The following STK3 variants were observed in gnomAD, a reference collection of about 807,000 sequenced individuals.
STK3 encodes serine/threonine-protein kinase 3.
In STK3, 41 loss-of-function variants were observed where a neutral mutation model predicts 58.0. The ratio of observed to expected loss-of-function variants is 0.71; its 90% confidence interval spans 0.55 to 0.92. STK3 has a LOEUF of 0.92. Among genes scored for constraint, STK3 ranks in the 40% least tolerant of loss-of-function variants. The pLI is 0.00. For missense variants in STK3, 479 were observed against 602.7 expected (o/e 0.79, Z 2.15); for synonymous variants, 170 against 191.0 (o/e 0.89, Z 0.91).
At chr8:98,608,324 C>T (rs978716205) in intron 6 of STK3, among the ~76,000 whole-genome samples, 1 of 151,898 alleles carries the variant, frequency 6.6e-6, no homozygotes, top group Non-Finnish European at 1.5e-5. Flanking sequence ...TAAACAAAAG[C>T]TCTTGGGTCC....
chr8:98,840,628 T>TACATAC lies in STK3; in HGVS notation c.110+43018_110+43019insGTATGT, dbSNP rs1835945406. Among the ~76,000 whole-genome samples the TACATAC allele has an allele frequency of 1.4e-4, 16 of 114,468 alleles. No homozygotes were observed. The South Asian group carries it at 1.4e-3, about 10-fold the overall frequency. 75.1% of individuals were successfully genotyped at this position (114,468 alleles called of 152,430 possible). The stretch of plus-strand genomic sequence containing the variant: ...ATATATATATATATATATATATATA[T>TACATAC]ACACACACATACGTTTTATATATAT... On this transcript the variant is annotated intron_variant, in intron 3 of 12. Transcript: ENST00000523601.
intron 2 of STK3, among the ~76,000 whole-genome samples, chr8:98,769,117 A>G (rs1831130148): frequency 6.6e-6 from 1 of 152,228 alleles, no homozygotes; most frequent in Non-Finnish European, 1.5e-5. Context: ...TCATATCTAT[A>G]GAGTACATAC....
intron 3 of STK3, among the ~76,000 whole-genome samples, chr8:98,838,686 A>G (rs1835842988): frequency 6.6e-6 from 1 of 152,164 alleles, no homozygotes; most frequent in Non-Finnish European, 1.5e-5. Flanking sequence ...AATCTCACAG[A>G]AGTGCCGAGG....
intron 3 of STK3, among the ~76,000 whole-genome samples, chr8:98,855,001 G>A (rs1836616474): frequency 6.6e-6 from 1 of 152,190 alleles, no homozygotes; most frequent in African/African-American, 2.4e-5. Flanking sequence ...AGATTGCAGT[G>A]AGCTGAGATT....
the STK3 span, among the ~76,000 whole-genome samples, chr8:98,358,203 C>G: frequency 6.6e-6 from 1 of 152,148 alleles, no homozygotes; most frequent in African/African-American, 2.4e-5. Context: ...GTGCAAATCC[C>G]CAGGAACACA....
chr8:98,392,023 G>A (rs1305662313), upstream of STK3, among the ~76,000 whole-genome samples: 1 of 152,120 alleles, frequency 6.6e-6, no homozygotes, highest in Non-Finnish European at 1.5e-5. Context: ...GAAGTGCTTA[G>A]TAAACATTAG....
upstream of STK3, among the ~76,000 whole-genome samples, chr8:98,827,527 T>G (rs1835358678): frequency 6.6e-6 from 1 of 152,242 alleles, no homozygotes; most frequent in Non-Finnish European, 1.5e-5. Flanking sequence ...GTCCTCTTTT[T>G]GCATTATTTT....
intron 1 of STK3, among the ~76,000 whole-genome samples, chr8:98,448,506 C>CTT (rs1819053770): frequency 1.3e-5 from 2 of 152,118 alleles, no homozygotes; most frequent in Non-Finnish European, 2.9e-5. Flanking sequence ...GAAAAATGCG[C>CTT]AGGTGCAGGA....
intron 3 of STK3, among the ~76,000 whole-genome samples, chr8:98,403,451 A>C (rs1278844969): frequency 6.6e-6 from 1 of 152,216 alleles, no homozygotes; most frequent in East Asian, 1.9e-4. Context: ...AGCCAATGAA[A>C]GATCATTGTC....
At chr8:98,458,826 A>T (rs1819708865) in intron 10 of STK3, among the ~76,000 whole-genome samples, 1 of 152,146 alleles carries the variant, frequency 6.6e-6, no homozygotes, top group South Asian at 2.1e-4. Flanking sequence ...TTCCACCATG[A>T]TTGTAAATTT....
At chr8:98,807,381 C>T (rs1458486693) in intron 1 of STK3, among the ~76,000 whole-genome samples, 6 of 151,876 alleles carry the variant, frequency 4.0e-5, no homozygotes, top group Admixed American at 1.3e-4. Context: ...CCCAGCCTCC[C>T]GAGGAGCTGG....
intron 3 of STK3, among the ~76,000 whole-genome samples, chr8:98,756,967 T>C (rs936925850): frequency 2.6e-5 from 4 of 152,114 alleles, no homozygotes; most frequent in Non-Finnish European, 5.9e-5. Flanking sequence ...GTTTACCCTA[T>C]CTCACCTGTC....
Position 98,655,177 on chromosome 8 carries a change from G to A in STK3, c.684+51290C>T, listed in dbSNP as rs1294139636. On this transcript the variant is annotated intron_variant, in intron 6 of 10. Coordinates refer to ENST00000419617, the MANE Select transcript of STK3 (RefSeq NM_006281.4). ...ACAGAACAGAGCCCTCAGAAATAAC[G>A]CCGCATACCTACAACTATCTGATCT... 3.9e-5 allele frequency among the ~76,000 whole-genome samples: 6 copies of A among 151,988 alleles called. 1 individual carries two copies. Among genetic ancestry groups the A allele is most frequent in the South Asian group, 2.1e-4 (1 of 4,800 alleles).
At chr8:98,574,475 C>T (rs973918593) in intron 8 of STK3, among the ~76,000 whole-genome samples, 2 of 152,136 alleles carry the variant, frequency 1.3e-5, no homozygotes, top group Non-Finnish European at 2.9e-5. Context: ...CATGCAGTTC[C>T]TCAACAGGGC....
At chr8:98,578,005 G>C (rs945178182) in intron 8 of STK3, among the ~76,000 whole-genome samples, 2 of 151,964 alleles carry the variant, frequency 1.3e-5, no homozygotes, top group African/African-American at 4.8e-5. Flanking sequence ...GCGAAGGAAA[G>C]AAAAATAGTG....
At chr8:98,904,705 TG>T in intron 1 of STK3, 1 of 803,954 alleles carries the variant, frequency 1.2e-6, no homozygotes, top group Non-Finnish European at 2.1e-6. Context: ...ACTCACTCTC[TG>T]GCCCATAACC....
At chr8:98,538,277 T>C (rs1253684868) in intron 9 of STK3, among the ~76,000 whole-genome samples, 1 of 152,186 alleles carries the variant, frequency 6.6e-6, no homozygotes, top group Non-Finnish European at 1.5e-5. Context: ...AAAACCAGGA[T>C]GTTAACACAG....
At chr8:98,650,501 T>C (rs979214647) in intron 6 of STK3, among the ~76,000 whole-genome samples, 1 of 152,092 alleles carries the variant, frequency 6.6e-6, no homozygotes, top group Non-Finnish European at 1.5e-5. Context: ...GGACAGGGGG[T>C]GCAGCGCACC....
chr8:98,610,735 A>G (rs1009461907), intron 6 of STK3, among the ~76,000 whole-genome samples: 1 of 152,202 alleles, frequency 6.6e-6, no homozygotes, highest in African/African-American at 2.4e-5. Flanking sequence ...TATGGGCTCT[A>G]GCACAGAGAT....
Sources: gnomAD v4.1 joint callset for allele counts (sites outside exome capture counted in the v4.1 genomes callset) on GRCh38, gnomAD v4.1.1 for gene constraint, MANE v1.5 for transcripts, NCBI Gene and HGNC (gene_info 2026-07-23, HGNC 2026-07-21) for gene names.